The following LRRC39 variants were observed in gnomAD, a reference collection of about 807,000 sequenced individuals.
LRRC39 encodes leucine rich repeat containing 39.
A neutral mutation model predicts 39.7 loss-of-function variants in LRRC39; 35 were observed. The observed-to-expected ratio is 0.88, with a 90% CI of 0.67 to 1.17. The LOEUF (loss-of-function observed/expected upper bound fraction) is 1.17. LRRC39 is among the 50% of genes most tolerant of loss of function. The pLI, the probability that LRRC39 is intolerant of heterozygous loss-of-function variation, is 0.00. For synonymous variants in LRRC39, 113 were observed against 134.1 expected (o/e 0.84, Z 1.09); for missense variants, 357 against 385.8 (o/e 0.93, Z 0.62).
intron 4 of LRRC39, 55 bp downstream of exon 4, chr1:100,160,411 C>T: frequency 7.3e-7 from 1 of 1,373,264 alleles, no homozygotes; most frequent in Non-Finnish European, 1.0e-6. Context: ...ATCATTCTCT[C>T]AACTGACTCA....
chr1:100,178,647 G>T (rs1660102623), upstream of LRRC39, among the ~76,000 whole-genome samples: 1 of 152,176 alleles, frequency 6.6e-6, no homozygotes, highest in African/African-American at 2.4e-5. Flanking sequence ...TAACACAGAA[G>T]CCCCAAACTT....
intron 9 of LRRC39, chr1:100,150,412 T>A (rs879261782): frequency 1.3e-5 from 2 of 152,224 alleles, no homozygotes; most frequent in Non-Finnish European, 2.9e-5. Context: ...TTTTATTGTG[T>A]CAAGCAATAC....
intron 2 of LRRC39, among the ~76,000 whole-genome samples, chr1:100,170,978 G>A (rs924753228): frequency 1.3e-5 from 2 of 152,080 alleles, no homozygotes; most frequent in African/African-American, 4.8e-5. Context: ...ATGGACTTTA[G>A]GCACAAATAC....
At chr1:100,169,113 CAAT>C (rs1378916157) in intron 2 of LRRC39, among the ~76,000 whole-genome samples, 17 of 151,738 alleles carry the variant, frequency 1.1e-4, no homozygotes, top group African/African-American at 3.6e-4. Context: ...GGAAAATACT[CAAT>C]AATAGGAAAA....
intron 3 of LRRC39, among the ~76,000 whole-genome samples, chr1:100,166,864 C>T (rs1659282815): frequency 6.6e-6 from 1 of 152,148 alleles, no homozygotes; most frequent in South Asian, 2.1e-4. Context: ...TCTCTCTTTG[C>T]CAGCTGCCAT....
intron 3 of LRRC39, 67 bp downstream of exon 3, chr1:100,168,337 C>A (rs969695267): frequency 2.6e-6 from 3 of 1,153,180 alleles, no homozygotes; most frequent in Non-Finnish European, 3.6e-6. Context: ...ATTTAGAATG[C>A]TCTTTTTTAT....
At chr1:100,163,460 C>T (rs1472317050) in intron 3 of LRRC39, among the ~76,000 whole-genome samples, 1 of 152,082 alleles carries the variant, frequency 6.6e-6, no homozygotes, top group Non-Finnish European at 1.5e-5. Flanking sequence ...CCAGAATATA[C>T]GATTTATTAA....
chr1:100,173,571 T>G lies in LRRC39; in HGVS notation c.-118-201A>C, dbSNP rs190590276. On this transcript the variant is annotated intron_variant, in intron 1 of 9. Transcript: ENST00000370137. ...CCTTTCATTTAAAATTAGTAAAAGA[T>G]GTCTGCTCTCACTACTTCCATTCAA... Among the ~76,000 whole-genome samples, 240 of 152,330 alleles carry G rather than the reference T, an allele frequency of 1.6e-3. 4 individuals carry two copies. The highest frequency in any genetic ancestry group is 2.7e-3 in the Non-Finnish European group (184 of 68,024).
chr1:100,148,509 A>G lies in LRRC39; in HGVS notation c.*533T>C, dbSNP rs758676963. On this transcript the variant is annotated 3_prime_UTR_variant, in exon 10 of 10. Coordinates refer to ENST00000370137, the MANE Select transcript of LRRC39 (RefSeq NM_144620.4). ...AATGTGTCTTGGAAGCATGGGACAA[A>G]GTACTTAGTACATTATGGGTTAGTT... 3.5e-4 allele frequency: 385 copies of G among 1,086,808 alleles called. No homozygotes were observed. The highest frequency in any genetic ancestry group is 4.5e-4 in the Non-Finnish European group (340 of 749,662). The allele number at this position is 1,086,808 out of a possible 1,614,324, so 67.3% of individuals were successfully genotyped here. A position where few individuals can be genotyped will look rare whatever the true frequency, so the allele number is the denominator to read the frequency against.
chr1:100,175,544 A>G (rs570401668), intron 1 of LRRC39, among the ~76,000 whole-genome samples: 1 of 152,264 alleles, frequency 6.6e-6, no homozygotes, highest in South Asian at 2.1e-4. Context: ...AAAGTGGACT[A>G]CATTACAATT....
chr1:100,157,627 A>G (rs1227727183), intron 6 of LRRC39, among the ~76,000 whole-genome samples: 1 of 152,244 alleles, frequency 6.6e-6, no homozygotes, highest in East Asian at 1.9e-4. Context: ...AAAGTCTGAT[A>G]CACTAATTAA....
At chr1:100,155,857 G>A (rs1658409699) in intron 7 of LRRC39, among the ~76,000 whole-genome samples, 1 of 152,290 alleles carries the variant, frequency 6.6e-6, no homozygotes, top group South Asian at 2.1e-4. Context: ...GCTAAGCAAG[G>A]TGGTTATTGT....
At chr1:100,155,343 C>A in intron 7 of LRRC39, 140 bp from the exon 8 acceptor site, 1 of 682,670 alleles carries the variant, frequency 1.5e-6, no homozygotes, top group Non-Finnish European at 2.2e-6. Context: ...AGGCTATTCT[C>A]CCCCTCAGCC....
intron 8 of LRRC39, among the ~76,000 whole-genome samples, chr1:100,152,936 A>G (rs1177893569): frequency 6.6e-6 from 1 of 152,220 alleles, no homozygotes; most frequent in Non-Finnish European, 1.5e-5. Context: ...CATATTGGCC[A>G]GGCTGGTCTC....
Position 100,148,541 on chromosome 1 carries a change from C to G in LRRC39, c.*501G>C. On this transcript the variant is annotated 3_prime_UTR_variant, in exon 10 of 10. Transcript: ENST00000370137. ...AGTACATTATGGGTTAGTTAACAGT[C>G]TCTCAATAAATAGTGACAAAAATAA... The G allele has an allele frequency of 7.7e-7, 1 of 1,296,604 alleles. No individual in the cohort carries two copies. The highest frequency in any genetic ancestry group is 1.3e-5 in the South Asian group (1 of 75,080). 80.3% of individuals were successfully genotyped at this position (1,296,604 alleles called of 1,614,324 possible). A position where few individuals can be genotyped will look rare whatever the true frequency, so the allele number is the denominator to read the frequency against.
At chr1:100,154,059 T>C (rs1658271058) in intron 8 of LRRC39, among the ~76,000 whole-genome samples, 1 of 152,122 alleles carries the variant, frequency 6.6e-6, no homozygotes, top group Non-Finnish European at 1.5e-5. Context: ...ACAGAGGACA[T>C]TTCTTTTTTT....
intron 3 of LRRC39, among the ~76,000 whole-genome samples, chr1:100,163,287 A>C (rs1180280232): frequency 6.6e-6 from 1 of 152,222 alleles, no homozygotes; most frequent in Non-Finnish European, 1.5e-5. Context: ...CCTTTAACTT[A>C]AGGAATTAAT....
At chr1:100,169,930 G>A (rs1028866511) in intron 2 of LRRC39, among the ~76,000 whole-genome samples, 6 of 152,012 alleles carry the variant, frequency 3.9e-5, no homozygotes, top group Non-Finnish European at 7.4e-5. Flanking sequence ...AAGGGTCCCC[G>A]TTGATATACA....
intron 7 of LRRC39, among the ~76,000 whole-genome samples, 169 bp downstream of exon 7, chr1:100,156,003 C>G (rs1173140672): frequency 6.6e-6 from 1 of 152,098 alleles, no homozygotes. Flanking sequence ...CTTCCCAAAC[C>G]CTTTTACTTA....
Sources: gnomAD v4.1 joint callset for allele counts (sites outside exome capture counted in the v4.1 genomes callset) on GRCh38, gnomAD v4.1.1 for gene constraint, MANE v1.5 for transcripts, NCBI Gene and HGNC (gene_info 2026-07-23, HGNC 2026-07-21) for gene names.